Variants in PZP observed in about 807,000 individuals in gnomAD.
The protein encoded by PZP is pregnancy zone protein.
Under a neutral mutation model 179.8 loss-of-function variants are expected in PZP, and 150 were observed. The ratio of observed to expected loss-of-function variants is 0.83; its 90% confidence interval spans 0.73 to 0.96. PZP has a LOEUF of 0.96. Among genes scored for constraint, PZP ranks in the 40% least tolerant of loss-of-function variants. The pLI is 0.00. For synonymous variants in PZP, 624 were observed against 652.3 expected (o/e 0.96, Z 0.66); for missense variants, 1,689 against 1,764.0 (o/e 0.96, Z 0.76).
intron 25 of PZP, 51 bp from the exon 26 acceptor site, chr12:9,158,627 C>G (rs748754359): frequency 6.3e-7 from 1 of 1,587,390 alleles, no homozygotes; most frequent in African/African-American, 1.3e-5. Context: ...GAGCACTTTA[C>G]TGCTCTGTTT....
At chr12:9,149,198 G>A (rs1592432263) in intron 35 of PZP, among the ~76,000 whole-genome samples, 1 of 152,180 alleles carries the variant, frequency 6.6e-6, no homozygotes. Context: ...TAATAAGTGT[G>A]GCCATGTGCC....
chr12:9,192,709 G>A lies in PZP; in HGVS notation c.1285C>T (p.His429Tyr), dbSNP rs1175827993. Residue 429 changes from histidine (H) to tyrosine (Y), a missense_variant, in exon 12 of 36, where the codon CAC becomes TAC. By Grantham distance (83) the His-to-Tyr change is moderately conservative. Transcript: ENST00000261336. Reference protein sequence around the residue: ...VFTVHPNLCFHYSWVAEDHQG... With the variant: ...VFTVHPNLCFYYSWVAEDHQG... ...TGGTCTTCTGCTACCCATGAATAGT[G>A]AAAACACAAGTTGGGATGCACAGTG... 6.2e-7 allele frequency: 1 copy of A among 1,612,926 alleles called. No individual in the cohort carries two copies. Among genetic ancestry groups the A allele is most frequent in the Admixed American group, 1.7e-5 (1 of 60,006 alleles).
chr12:9,151,424 A>G (rs2120509110), intron 33 of PZP, among the ~76,000 whole-genome samples, 180 bp downstream of exon 33: 1 of 152,360 alleles, frequency 6.6e-6, no homozygotes, highest in African/African-American at 2.4e-5. Flanking sequence ...AATTAAAAAT[A>G]GAACAGAACA....
chr12:9,147,744 C>T (rs1226361860), downstream of PZP, among the ~76,000 whole-genome samples: 1 of 152,168 alleles, frequency 6.6e-6, no homozygotes, highest in African/African-American at 2.4e-5. Context: ...GGTATATCCA[C>T]CCACCATTCT....
chr12:9,192,665 A>G lies in PZP; in HGVS notation c.1329T>C (p.Thr443=). 1 of 1,614,094 alleles carries G rather than the reference A, an allele frequency of 6.2e-7. No homozygotes were observed. The highest frequency in any genetic ancestry group is 8.5e-7 in the Non-Finnish European group (1 of 1,179,938). The change falls in exon 12 of 36, where the codon ACT becomes ACC. Residue 443 remains threonine (T), a synonymous_variant. Coordinates refer to ENST00000261336, the MANE Select transcript of PZP (RefSeq NM_002864.3). The part of the protein sequence containing the change: ...VAEDHQGAQH[T]ANRVFSLSGS... The stretch of plus-strand genomic sequence containing the variant: ...CACTTAAGGAGAAAACACGATTTGC[A>G]GTGTGCTGAGCACCCTGGTGGTCTT...
At position 9,157,216 on chromosome 12, in the gene PZP, C is replaced by G; in HGVS notation, c.3509G>C (p.Arg1170Thr). The G allele has an allele frequency of 6.2e-7, 1 of 1,614,118 alleles. No individual in the cohort carries two copies. The highest frequency in any genetic ancestry group is 8.5e-7 in the Non-Finnish European group (1 of 1,179,994). The change falls in exon 28 of 36, where the codon AGA (arginine) becomes ACA (threonine). Residue 1170 changes from arginine to threonine, a missense_variant. This residue lies in a region of PZP where 746 missense variants were observed against 749.2 expected (regional missense o/e 1.00). Coordinates refer to ENST00000261336, the MANE Select transcript of PZP (RefSeq NM_002864.3). ...CTTATCAAGTGAGTTCAGTATTTCT[C>G]TATTCTGATTTTGCTTTCCCAGTAG... Reference protein sequence around the residue: ...FSLLGKQNQNREILNSLDKEA... With the variant: ...FSLLGKQNQNTEILNSLDKEA...
chr12:9,180,998 C>G lies in PZP; in HGVS notation c.1824G>C (p.Glu608Asp). 1 of 1,613,740 alleles carries G rather than the reference C, an allele frequency of 6.2e-7. No individual in the cohort carries two copies. The highest frequency in any genetic ancestry group is 8.5e-7 in the Non-Finnish European group (1 of 1,179,836). ...GGAAACTCACTGAGGACACAGAGAG[C>G]TCAGCCTCAGGCTTCATGAGCAGCA... ...QSVLLMKPEA[E>D]LSVSSVYNLL... Residue 608 changes from glutamate (E) to aspartate (D), a missense_variant, in exon 15 of 36, where the codon GAG becomes GAC. Transcript: ENST00000261336.
intron 19 of PZP, among the ~76,000 whole-genome samples, 164 bp downstream of exon 19, chr12:9,164,975 A>G (rs975622309): frequency 2.0e-5 from 3 of 152,206 alleles, no homozygotes; most frequent in Non-Finnish European, 4.4e-5. Context: ...ATATCATTGT[A>G]TTATCTTTCT....
At chr12:9,203,678 G>C in intron 2 of PZP, 90 bp downstream of exon 2, 1 of 1,452,032 alleles carries the variant, frequency 6.9e-7, no homozygotes, top group Non-Finnish European at 9.5e-7. Flanking sequence ...TCATACCTTG[G>C]GATCGCACAC....
intron 1 of PZP, among the ~76,000 whole-genome samples, chr12:9,206,111 TC>T (rs899416125): frequency 7.2e-5 from 11 of 152,206 alleles, no homozygotes; most frequent in African/African-American, 2.2e-4. Flanking sequence ...TATGTCTTAA[TC>T]TTTTTCTGGT....
At chr12:9,138,935 T>C in the PZP span, among the ~76,000 whole-genome samples, 3 of 152,130 alleles carry the variant, frequency 2.0e-5, no homozygotes, top group African/African-American at 7.2e-5. Flanking sequence ...TTTTATTTAT[T>C]TCTTCTCTAA....
intron 13 of PZP, among the ~76,000 whole-genome samples, chr12:9,184,147 G>A (rs1275975045): frequency 6.6e-6 from 1 of 152,172 alleles, no homozygotes; most frequent in Non-Finnish European, 1.5e-5. Flanking sequence ...GTGTGTGTGT[G>A]CACCCTGCCT....
chr12:9,186,538 C>T (rs945285306), intron 13 of PZP, among the ~76,000 whole-genome samples: 4 of 151,724 alleles, frequency 2.6e-5, no homozygotes, highest in Middle Eastern at 3.4e-3. Context: ...CTGATAGGCT[C>T]GAGATAAAGG....
chr12:9,196,523 G>A lies in PZP; in HGVS notation c.982+48C>T, dbSNP rs771375037. 10 of 1,571,886 alleles carry A rather than the reference G, an allele frequency of 6.4e-6. No individual in the cohort carries two copies. The Admixed American group carries it at 1.7e-4, about 26-fold the overall frequency. On this transcript the variant is annotated intron_variant, in intron 9 of 35. Coordinates refer to ENST00000261336, the MANE Select transcript of PZP (RefSeq NM_002864.3). ...TTACAAATGACCTTTATTTTGTTAT[G>A]GAAAGTAAACTATTGTTTTATTTCC... is the stretch of plus-strand genomic sequence containing the variant.
At chr12:9,171,022 G>A (rs1242536018) in intron 15 of PZP, among the ~76,000 whole-genome samples, 1 of 152,190 alleles carries the variant, frequency 6.6e-6, no homozygotes, top group East Asian at 1.9e-4. Flanking sequence ...CTTTGAGAAG[G>A]TCCCTGATCC....
At chr12:9,144,934 T>G (rs1939930257), downstream of PZP, among the ~76,000 whole-genome samples, 1 of 152,200 alleles carries the variant, frequency 6.6e-6, no homozygotes, top group South Asian at 2.1e-4. Context: ...AGTTTTTGAT[T>G]AAGGGGAACT....
intron 29 of PZP, among the ~76,000 whole-genome samples, chr12:9,153,702 T>C (rs1192086727): frequency 1.3e-5 from 2 of 152,178 alleles, no homozygotes; most frequent in Non-Finnish European, 2.9e-5. Context: ...AAAAATTTAC[T>C]GTACATGAAA....
chr12:9,143,707 T>C, the PZP span, among the ~76,000 whole-genome samples: 2 of 152,116 alleles, frequency 1.3e-5, no homozygotes, highest in Non-Finnish European at 2.9e-5. Flanking sequence ...GGCCATTAGC[T>C]GTCATTATCT....
chr12:9,151,938 C>T (rs758280937), intron 32 of PZP, among the ~76,000 whole-genome samples: 1 of 152,120 alleles, frequency 6.6e-6, no homozygotes, highest in Non-Finnish European at 1.5e-5. Context: ...TAAACCATAT[C>T]CTATCTTTCT....
Sources: gnomAD v4.1 joint callset for allele counts (sites outside exome capture counted in the v4.1 genomes callset) on GRCh38, gnomAD v4.1.1 for gene constraint, gnomAD v4.1.1 regional missense constraint, MANE v1.5 for transcripts, NCBI Gene and HGNC (gene_info 2026-07-23, HGNC 2026-07-21) for gene names.